The following IL13RA1 variants were observed in gnomAD, a reference collection of about 807,000 sequenced individuals.
The protein encoded by IL13RA1 is interleukin-13 receptor subunit alpha-1.
IL13RA1 carries 14 observed loss-of-function variants against 33.8 expected under a neutral mutation model. That is an observed-to-expected ratio of 0.41 (90% CI 0.27 to 0.65). IL13RA1 has a LOEUF of 0.65. IL13RA1 is among the 30% of genes least tolerant of loss of function. IL13RA1 has a pLI of 0.28. For synonymous variants in IL13RA1, 116 were observed against 115.7 expected (o/e 1.00, Z -0.02); for missense variants, 313 against 327.0 (o/e 0.96, Z 0.33).
intron 4 of IL13RA1, among the ~76,000 whole-genome samples, chrX:118,751,900 C>CAA (rs34902050): frequency 0.13 from 6,253 of 48,873 alleles, 931 homozygotes; most frequent in African/African-American, 0.37. Flanking sequence ...GAATAGAATG[C>CAA]AAAAAAAAAA....
chrX:118,734,445 G>T lies in IL13RA1; in HGVS notation c.89-6572G>T, dbSNP rs192712286. 1.7e-3 allele frequency among the ~76,000 whole-genome samples: 185 copies of T among 112,046 alleles called. 1 individual carries two copies. The highest frequency in any genetic ancestry group is 5.8e-3 in the African/African-American group (180 of 30,899). On this transcript the variant is annotated intron_variant, in intron 1 of 10. Transcript: ENST00000371666. ...AGCTTTCAGTCTTTCACCATTAAGGGTGATGTTTACTGTGGGTTTTTCATA... is the reference window on the plus strand; with the variant it reads ...AGCTTTCAGTCTTTCACCATTAAGGTTGATGTTTACTGTGGGTTTTTCATA...
At chrX:118,776,551 T>TG (rs1262702321) in intron 10 of IL13RA1, 40 bp downstream of exon 10, 1 of 485,687 alleles carries the variant, frequency 2.1e-6, no homozygotes, top group Non-Finnish European at 3.3e-6. Context: ...GTTTTTTTTT[T>TG]TTTTTTTTTT....
intron 10 of IL13RA1, among the ~76,000 whole-genome samples, chrX:118,780,651 A>G (rs1256563295): frequency 8.9e-6 from 1 of 111,895 alleles, no homozygotes; most frequent in East Asian, 2.8e-4. Context: ...AGGAGGTGCC[A>G]TACACTTTTA....
chrX:118,764,476 TG>T (rs2017625198), intron 6 of IL13RA1, among the ~76,000 whole-genome samples: 1 of 108,921 alleles, frequency 9.2e-6, no homozygotes, highest in African/African-American at 3.3e-5. Context: ...GCCCCCTGAG[TG>T]GGGTTTTTTT....
chrX:118,734,704 T>G (rs1051533539), intron 1 of IL13RA1, among the ~76,000 whole-genome samples: 2 of 112,229 alleles, frequency 1.8e-5, no homozygotes, highest in South Asian at 7.3e-4. Flanking sequence ...GATATGCCCG[T>G]GTATTCACTT....
At chrX:118,729,526 C>A (rs763750353) in intron 1 of IL13RA1, among the ~76,000 whole-genome samples, 199 of 111,698 alleles carry the variant, frequency 1.8e-3, no homozygotes, top group African/African-American at 6.0e-3. Flanking sequence ...GGAGGTTGAA[C>A]TGCATAAATT....
downstream of IL13RA1, among the ~76,000 whole-genome samples, chrX:118,796,778 C>T (rs1040400051): frequency 2.7e-5 from 3 of 112,350 alleles, no homozygotes; most frequent in Admixed American, 9.4e-5. Context: ...TCAGGTGATC[C>T]GCCCGCCTCG....
intron 8 of IL13RA1, chrX:118,770,333 G>A (rs774907345): frequency 1.0e-3 from 367 of 355,186 alleles, no homozygotes; most frequent in African/African-American, 8.3e-3. Flanking sequence ...CGAGCCCTAC[G>A]TGGAGGTGCC....
intron 4 of IL13RA1, among the ~76,000 whole-genome samples, chrX:118,755,941 A>G (rs1184415279): frequency 8.0e-5 from 9 of 112,033 alleles, no homozygotes; most frequent in Non-Finnish European, 1.7e-4. Context: ...TATTGAAGGA[A>G]AAAAGCATTT....
chrX:118,787,479 A>G (rs1404823045), intron 10 of IL13RA1, among the ~76,000 whole-genome samples: 1 of 111,631 alleles, frequency 9.0e-6, no homozygotes, highest in Non-Finnish European at 1.9e-5. Flanking sequence ...CCTGCTGTGC[A>G]TGCATTGTCA....
intron 6 of IL13RA1, chrX:118,761,496 A>G (rs1309752822): frequency 3.5e-6 from 1 of 283,521 alleles, no homozygotes; most frequent in Non-Finnish European, 6.1e-6. Flanking sequence ...CCATTTATTC[A>G]TCTGTAAGCT....
chrX:118,755,662 CAG>C (rs2017522093), intron 4 of IL13RA1, among the ~76,000 whole-genome samples: 1 of 112,013 alleles, frequency 8.9e-6, no homozygotes, highest in African/African-American at 3.2e-5. Flanking sequence ...GCAGAATACT[CAG>C]GGTACAGAAA....
the IL13RA1 span, among the ~76,000 whole-genome samples, chrX:118,800,611 C>A: frequency 9.1e-6 from 1 of 110,232 alleles, no homozygotes; most frequent in Non-Finnish European, 1.9e-5. Flanking sequence ...CGTGGGTCCG[C>A]GGCTTCATTC....
chrX:118,791,173 T>C (rs1284235413), intron 10 of IL13RA1, among the ~76,000 whole-genome samples: 1 of 111,918 alleles, frequency 8.9e-6, no homozygotes, highest in Non-Finnish European at 1.9e-5. Context: ...GATATTGGCT[T>C]TTACCATAAG....
At chrX:118,762,018 T>A (rs940986303) in intron 6 of IL13RA1, among the ~76,000 whole-genome samples, 1 of 112,199 alleles carries the variant, frequency 8.9e-6, no homozygotes, top group African/African-American at 3.2e-5. Flanking sequence ...TTTCTTGGAG[T>A]TTGTGGCAAC....
intron 5 of IL13RA1, among the ~76,000 whole-genome samples, 154 bp from the exon 6 acceptor site, chrX:118,760,984 T>C (rs1445221853): frequency 8.9e-6 from 1 of 112,709 alleles, no homozygotes; most frequent in East Asian, 2.8e-4. Flanking sequence ...ACTCTGTACA[T>C]GTTCAGCACA....
intron 9 of IL13RA1, among the ~76,000 whole-genome samples, chrX:118,774,893 C>A (rs937241831): frequency 8.3e-4 from 93 of 111,483 alleles, no homozygotes; most frequent in African/African-American, 2.7e-3. Flanking sequence ...TATACTCTCT[C>A]TATATATGTA....
In IL13RA1 at chrX:118,733,085, T is replaced by C. The variant is rs192369345; in HGVS notation, c.88+5359T>C. ...TTAGGTTGCTTCCATGTTTTAGCAA[T>C]TTCACAATACTATTATGAACCTGGG... On this transcript the variant is annotated intron_variant, in intron 1 of 10. Coordinates refer to ENST00000371666, the MANE Select transcript of IL13RA1 (RefSeq NM_001560.3). 2.7e-5 allele frequency among the ~76,000 whole-genome samples: 3 copies of C among 112,455 alleles called. No individual in the cohort carries two copies. The East Asian group carries it at 8.3e-4, about 31-fold the overall frequency.
downstream of IL13RA1, among the ~76,000 whole-genome samples, chrX:118,796,440 AC>A (rs1371914379): frequency 2.7e-5 from 3 of 112,904 alleles, no homozygotes; most frequent in African/African-American, 9.7e-5. Context: ...AAAGAAAAAA[AC>A]ATCTTATTTC....
Sources: allele counts gnomAD v4.1 joint callset (sites outside exome capture counted in the v4.1 genomes callset), GRCh38; gene constraint gnomAD v4.1.1; transcripts MANE v1.5; gene names NCBI Gene and HGNC (gene_info 2026-07-23, HGNC 2026-07-21).